The following HELLS variants were observed in gnomAD, a reference collection of about 807,000 sequenced individuals.
HELLS encodes the protein lymphoid-specific helicase.
HELLS carries 32 observed loss-of-function variants against 120.0 expected under a neutral mutation model. The ratio of observed to expected loss-of-function variants is 0.27; its 90% CI spans 0.20 to 0.36. The LOEUF is 0.36. HELLS is among the 10% of genes least tolerant of loss of function. HELLS has a pLI of 1.00. For synonymous variants in HELLS, 341 were observed against 323.4 expected (o/e 1.05, Z -0.58); for missense variants, 650 against 993.4 (o/e 0.65, Z 4.65).
downstream of HELLS, among the ~76,000 whole-genome samples, chr10:94,604,160 C>G (rs117473317): frequency 1.4e-5 from 2 of 144,842 alleles, no homozygotes; most frequent in African/African-American, 5.1e-5. Flanking sequence ...AGTTTCACTT[C>G]GTCACCTGGG....
intron 3 of HELLS, among the ~76,000 whole-genome samples, chr10:94,557,011 A>G (rs888690151): frequency 6.6e-6 from 1 of 152,208 alleles, no homozygotes; most frequent in Admixed American, 6.5e-5. Context: ...GCATGGCTTA[A>G]CTTCATCTTC....
rs185781528 is a variant in HELLS at position 94,580,349 on chromosome 10, T to C, written c.1033-977T>C. ...GGCATGTGCCACTACGTCCAGCTAA[T>C]TTTTGTATTTTTAGTAGAGACGGGG... On this transcript the variant is annotated intron_variant, in intron 10 of 21. Coordinates refer to ENST00000348459, the MANE Select transcript of HELLS (RefSeq NM_018063.5). Among the ~76,000 whole-genome samples, 1,297 of 151,582 alleles carry C rather than the reference T, an allele frequency of 8.6e-3. 18 individuals carry two copies. Among genetic ancestry groups the C allele is most frequent in the African/African-American group, 0.03 (1,242 of 41,340 alleles).
Position 94,599,396 on chromosome 10 carries a change from G to C in HELLS, c.2423-2132G>C, listed in dbSNP as rs573275077. Reference sequence around the variant, plus strand: ...TGAGACAAAGTCTCGTTCTGTCACCGAGGCTGGAGTTCAGTGGTGTGATCA... The same window carrying C: ...TGAGACAAAGTCTCGTTCTGTCACCCAGGCTGGAGTTCAGTGGTGTGATCA... On this transcript the variant is annotated intron_variant, in intron 21 of 21. Transcript: ENST00000348459. 2.6e-5 allele frequency among the ~76,000 whole-genome samples: 4 copies of C among 152,078 alleles called. No homozygotes were observed. The South Asian group carries it at 8.3e-4, about 32-fold the overall frequency.
intron 18 of HELLS, among the ~76,000 whole-genome samples, chr10:94,594,066 G>A (rs113949245): frequency 2.1e-4 from 32 of 151,560 alleles, no homozygotes; most frequent in African/African-American, 7.0e-4. Context: ...ACCGCGCCCG[G>A]CCATTCTGAA....
At chr10:94,596,311 C>T (rs1302572454) in intron 19 of HELLS, among the ~76,000 whole-genome samples, 4 of 152,148 alleles carry the variant, frequency 2.6e-5, no homozygotes, top group African/African-American at 9.7e-5. Context: ...GTAGCATTTT[C>T]ATCATCCAAG....
At chr10:94,550,742 T>C (rs1183802610) in intron 2 of HELLS, among the ~76,000 whole-genome samples, 2 of 151,992 alleles carry the variant, frequency 1.3e-5, no homozygotes, top group Non-Finnish European at 2.9e-5. Context: ...ATTAAAAAAC[T>C]AGCCGGCATG....
chr10:94,585,385 G>GTTTTTTT (rs10540229), intron 12 of HELLS, among the ~76,000 whole-genome samples: 5 of 122,000 alleles, frequency 4.1e-5, no homozygotes, highest in Admixed American at 8.5e-5. Context: ...GTTTGTTTTT[G>GTTTTTTT]TTTTTTTTTT....
At chr10:94,599,594 T>G (rs1474524750) in intron 21 of HELLS, among the ~76,000 whole-genome samples, 3 of 152,168 alleles carry the variant, frequency 2.0e-5, no homozygotes, top group African/African-American at 4.8e-5. Flanking sequence ...TGGGCTCAAG[T>G]GATCTGTCTG....
At chr10:94,607,177 T>C (rs1447693436) in intron 8 of HELLS, among the ~76,000 whole-genome samples, 1 of 151,938 alleles carries the variant, frequency 6.6e-6, no homozygotes, top group Non-Finnish European at 1.5e-5. Context: ...GGGGGAGTGG[T>C]AATTACTTTA....
intron 3 of HELLS, among the ~76,000 whole-genome samples, chr10:94,556,565 T>C (rs565208045): frequency 2.0e-5 from 3 of 152,204 alleles, no homozygotes; most frequent in Non-Finnish European, 4.4e-5. Flanking sequence ...ACATACCCAC[T>C]GATTCCAAAA....
rs1421573465 is a variant in HELLS, at chr10:94,580,155, AT to A, written c.1033-1170del. Among the ~76,000 whole-genome samples, 284 of 61,962 alleles carry A rather than the reference AT, an allele frequency of 4.6e-3. 9 individuals carry two copies. Among genetic ancestry groups the A allele is most frequent in the Middle Eastern group, 0.025 (2 of 80 alleles). The allele number at this position is 61,962 out of a possible 152,430, so 40.6% of individuals were successfully genotyped here. A position where few individuals can be genotyped will look rare whatever the true frequency, so the allele number is the denominator to read the frequency against. On this transcript the variant is annotated intron_variant, in intron 10 of 21. Transcript: ENST00000348459. ...TATATATATATATATATATATATAT[AT>A]ATATATACACACACACACACACACA...
chr10:94,600,048 T>C (rs1016006544), intron 21 of HELLS, among the ~76,000 whole-genome samples: 1 of 152,160 alleles, frequency 6.6e-6, no homozygotes, highest in African/African-American at 2.4e-5. Flanking sequence ...CCTATCACTT[T>C]GGGAGGCTGA....
chr10:94,603,840 T>TC (rs35630045), downstream of HELLS, among the ~76,000 whole-genome samples: 3 of 152,108 alleles, frequency 2.0e-5, no homozygotes, highest in African/African-American at 7.2e-5. Flanking sequence ...TTCCTTTTTT[T>TC]CCCCTTTTTT....
intron 3 of HELLS, among the ~76,000 whole-genome samples, chr10:94,555,652 CAG>C (rs1307008687): frequency 1.3e-5 from 2 of 151,940 alleles, no homozygotes; most frequent in East Asian, 3.9e-4. Context: ...TTTTTGGAGA[CAG>C]AGTCTTACTC....
chr10:94,562,642 AC>A, intron 4 of HELLS, 48 bp from the exon 5 acceptor site: 2 of 1,277,438 alleles, frequency 1.6e-6, no homozygotes, highest in South Asian at 2.6e-5. Flanking sequence ...AACGTATAAT[AC>A]TATGAAGGTC....
At chr10:94,606,296 AT>A (rs113153840), downstream of HELLS, among the ~76,000 whole-genome samples, 455 of 151,552 alleles carry the variant, frequency 3.0e-3, 1 homozygote, top group African/African-American at 0.011. Context: ...TTTTAGAATG[AT>A]TTCTTGGAGG....
chr10:94,576,665 C>CCAG lies in HELLS; in HGVS notation c.893_894insAGC (p.Pro298_Thr299insAla). ...AAATCAATATAAAATTTTTCAGATCCCTACAATGTTATATCATGGAACCCA... is the reference window on the plus strand; with the variant it reads ...AAATCAATATAAAATTTTTCAGATCCCAGCTACAATGTTATATCATGGAACCCA... On this transcript the variant is annotated inframe_insertion, in exon 10 of 22. Transcript: ENST00000348459. The CCAG allele has an allele frequency of 6.5e-7, 1 of 1,546,440 alleles. No individual in the cohort carries two copies. The highest frequency in any genetic ancestry group is 1.3e-5 in the South Asian group (1 of 79,622).
intron 6 of HELLS, among the ~76,000 whole-genome samples, chr10:94,564,233 A>G (rs2134023154): frequency 6.6e-6 from 1 of 152,342 alleles, no homozygotes; most frequent in East Asian, 1.9e-4. Context: ...TGTGGAAACA[A>G]CAGGCATGGG....
chr10:94,574,572 A>G lies in HELLS; in HGVS notation c.724A>G (p.Ile242Val). 2.5e-6 allele frequency: 4 copies of G among 1,613,374 alleles called. No individual in the cohort carries two copies. Among genetic ancestry groups the G allele is most frequent in the Admixed American group, 1.7e-5 (1 of 60,008 alleles). The change falls in exon 9 of 22, where the codon ATT becomes GTT. Residue 242 changes from isoleucine to valine, a missense_variant. Ile to Val is a conservative substitution (Grantham distance 29, BLOSUM62 3). This residue lies in a region of HELLS where 26 missense variants were observed against 87.3 expected (regional missense o/e 0.30). Coordinates refer to ENST00000348459, the MANE Select transcript of HELLS (RefSeq NM_018063.5). ...TGTCCAGATGCTTTGGGAAAATGGA[A>G]TTAATGGCATTTTAGCAGATGAAAT... is the stretch of plus-strand genomic sequence containing the variant. ...EWLRMLWENG[I>V]NGILADEMGL...
Sources: gnomAD v4.1 joint callset for allele counts (sites outside exome capture counted in the v4.1 genomes callset) on GRCh38, gnomAD v4.1.1 for gene constraint, gnomAD v4.1.1 regional missense constraint, MANE v1.5 for transcripts, NCBI Gene and HGNC (gene_info 2026-07-23, HGNC 2026-07-21) for gene names.